Variants in SH3RF2 observed in about 807,000 individuals in gnomAD.
SH3RF2 encodes the protein SH3 domain containing ring finger 2, also known as E3 ubiquitin-protein ligase SH3RF2.
Under a neutral mutation model 59.0 loss-of-function variants are expected in SH3RF2, and 43 were observed. That is an observed-to-expected ratio of 0.73 (90% CI 0.57 to 0.94). The LOEUF (loss-of-function observed/expected upper bound fraction) is 0.94. Among genes scored for constraint, SH3RF2 ranks in the 40% least tolerant of loss-of-function variants. SH3RF2 has a pLI of 0.00. For synonymous variants in SH3RF2, 391 were observed against 391.5 expected, an observed-to-expected ratio of 1.00 and a Z score of 0.01; for missense variants, 930 against 940.1, an observed-to-expected ratio of 0.99 and a Z score of 0.14.
intron 2 of SH3RF2, chr5:145,997,349 C>G: frequency 8.6e-7 from 1 of 1,161,216 alleles, no homozygotes; most frequent in Non-Finnish European, 1.3e-6. Context: ...CACCACCGCT[C>G]CAGTCTAAAT....
At chr5:145,959,134 G>A (rs1160942077) in intron 2 of SH3RF2, among the ~76,000 whole-genome samples, 4 of 152,176 alleles carry the variant, frequency 2.6e-5, no homozygotes, top group Admixed American at 2.6e-4. Context: ...CCATGGAATT[G>A]GCAGCAAGTA....
chr5:145,969,526 C>T (rs1376596406), intron 2 of SH3RF2, among the ~76,000 whole-genome samples: 1 of 152,028 alleles, frequency 6.6e-6, no homozygotes, highest in African/African-American at 2.4e-5. Context: ...TGATTGTCTG[C>T]TTGGTTTATG....
chr5:146,074,611 C>A (rs1031607873), intron 9 of SH3RF2, among the ~76,000 whole-genome samples: 64 of 152,020 alleles, frequency 4.2e-4, no homozygotes, highest in Admixed American at 2.0e-3. Flanking sequence ...AACAAAAAAA[C>A]CAGCCAAAAT....
At chr5:145,944,959 C>A (rs1389824398) in intron 2 of SH3RF2, among the ~76,000 whole-genome samples, 1 of 152,122 alleles carries the variant, frequency 6.6e-6, no homozygotes. Flanking sequence ...TGGTAACCTG[C>A]ACAGCAAAGC....
intron 5 of SH3RF2, among the ~76,000 whole-genome samples, chr5:146,032,785 G>A (rs150886976): frequency 1.3e-4 from 20 of 152,306 alleles, no homozygotes; most frequent in East Asian, 9.6e-4. Context: ...CTTCTCAGGC[G>A]TCTTTGCAGA....
At chr5:145,993,116 CA>C (rs1281245878) in intron 2 of SH3RF2, among the ~76,000 whole-genome samples, 2 of 152,076 alleles carry the variant, frequency 1.3e-5, no homozygotes, top group Non-Finnish European at 1.5e-5. Context: ...CATGCAAGTC[CA>C]AAATCAAGTG....
At chr5:146,068,425 G>A (rs1327065423) in intron 9 of SH3RF2, among the ~76,000 whole-genome samples, 2 of 152,204 alleles carry the variant, frequency 1.3e-5, no homozygotes, top group African/African-American at 4.8e-5. Context: ...TGCCGCCACT[G>A]ATGCTTCTCT....
chr5:146,042,617 A>G (rs1033498038), intron 5 of SH3RF2, among the ~76,000 whole-genome samples: 4 of 152,134 alleles, frequency 2.6e-5, no homozygotes, highest in East Asian at 3.9e-4. Flanking sequence ...TGCATTTTCT[A>G]TACCTGAGTG....
intron 2 of SH3RF2, chr5:145,998,118 T>C (rs1382515648): frequency 2.3e-5 from 11 of 486,914 alleles, no homozygotes; most frequent in African/African-American, 7.7e-5. Context: ...GAGTATTATT[T>C]AAACCAAGTT....
intron 2 of SH3RF2, among the ~76,000 whole-genome samples, chr5:145,995,281 A>G (rs1480436608): frequency 2.6e-5 from 4 of 152,226 alleles, no homozygotes; most frequent in Non-Finnish European, 5.9e-5. Flanking sequence ...CCTGGACTTA[A>G]TCACCAGAAA....
chr5:145,975,956 C>CT (rs1759276570), intron 2 of SH3RF2, among the ~76,000 whole-genome samples: 4 of 152,206 alleles, frequency 2.6e-5, no homozygotes, highest in Admixed American at 2.6e-4. Context: ...TTACAGTAGG[C>CT]ACTCAATAAG....
chr5:146,024,413 C>T (rs1278513173), intron 5 of SH3RF2, among the ~76,000 whole-genome samples: 5 of 152,204 alleles, frequency 3.3e-5, no homozygotes, highest in South Asian at 4.2e-4. Context: ...ATTTTATCAT[C>T]GGGTTTCCTT....
chr5:145,965,620 C>G (rs776250340), intron 2 of SH3RF2, among the ~76,000 whole-genome samples: 4 of 152,110 alleles, frequency 2.6e-5, no homozygotes, highest in Non-Finnish European at 5.9e-5. Context: ...TGGAAAAGAA[C>G]GGAGGTAATT....
chr5:146,006,467 T>A (rs1760650604), intron 4 of SH3RF2, among the ~76,000 whole-genome samples: 1 of 152,168 alleles, frequency 6.6e-6, no homozygotes, highest in South Asian at 2.1e-4. Context: ...TAGGGAGTTA[T>A]GATATGCAAC....
chr5:145,980,875 G>T (rs1324190205), intron 2 of SH3RF2, among the ~76,000 whole-genome samples: 1 of 152,040 alleles, frequency 6.6e-6, no homozygotes, highest in Non-Finnish European at 1.5e-5. Context: ...TCAACATAAG[G>T]TCAATCTTAT....
At chr5:146,070,850 C>T (rs961106377) in intron 9 of SH3RF2, among the ~76,000 whole-genome samples, 1 of 152,182 alleles carries the variant, frequency 6.6e-6, no homozygotes, top group Non-Finnish European at 1.5e-5. Context: ...AGAGCTGCAG[C>T]CTGATAAGGA....
At chr5:145,996,157 T>C (rs1441956191) in intron 2 of SH3RF2, among the ~76,000 whole-genome samples, 3 of 152,176 alleles carry the variant, frequency 2.0e-5, no homozygotes, top group African/African-American at 7.2e-5. Context: ...TCTCTACCAC[T>C]AAGCTGCTCG....
intron 2 of SH3RF2, among the ~76,000 whole-genome samples, chr5:145,960,187 A>C (rs1758579599): frequency 6.6e-6 from 1 of 152,166 alleles, no homozygotes. Context: ...TGAGTAGCTG[A>C]GACTATAGGA....
chr5:146,060,307 G>C, intron 9 of SH3RF2, 83 bp downstream of exon 9: 1 of 1,368,206 alleles, frequency 7.3e-7, no homozygotes, highest in Non-Finnish European at 9.8e-7. Context: ...TTTAGTGTTG[G>C]TGAACAAGGA....
Sources: gnomAD v4.1 joint callset for allele counts (sites outside exome capture counted in the v4.1 genomes callset) on GRCh38, gnomAD v4.1.1 for gene constraint, MANE v1.5 for transcripts, NCBI Gene and HGNC (gene_info 2026-07-23, HGNC 2026-07-21) for gene names.